Variants in SLIT1 observed in about 807,000 individuals in gnomAD.
SLIT1 encodes slit homolog 1 protein.
In SLIT1, 66 loss-of-function variants were observed where a neutral mutation model predicts 186.1. The observed-to-expected ratio is 0.35, with a 90% confidence interval of 0.29 to 0.44. The LOEUF is 0.44. SLIT1 is among the 20% of genes least tolerant of loss of function. The pLI is 1.00. For synonymous variants in SLIT1, 761 were observed against 833.8 expected, an observed-to-expected ratio of 0.91 and a Z score of 1.50; for missense variants, 1,638 against 2,037.4, an observed-to-expected ratio of 0.80 and a Z score of 3.77.
intron 28 of SLIT1, among the ~76,000 whole-genome samples, chr10:97,015,021 C>T (rs1159187924): frequency 6.6e-6 from 1 of 152,208 alleles, no homozygotes; most frequent in African/African-American, 2.4e-5. Flanking sequence ...GGATCAGTGA[C>T]TTTCAAACCA....
intron 26 of SLIT1, among the ~76,000 whole-genome samples, chr10:97,019,674 C>T (rs1848486075): frequency 6.6e-6 from 1 of 152,260 alleles, no homozygotes; most frequent in African/African-American, 2.4e-5. Context: ...CACCTCCCTG[C>T]TACAGCAGGC....
chr10:97,084,895 C>T (rs1442194987), intron 4 of SLIT1, among the ~76,000 whole-genome samples: 1 of 150,626 alleles, frequency 6.6e-6, no homozygotes. Context: ...GCATGAGCCA[C>T]TGCACCCGGC....
chr10:97,006,738 A>T lies in SLIT1; in HGVS notation c.3342-18T>A. The T allele has an allele frequency of 6.3e-7, 1 of 1,580,126 alleles. No individual in the cohort carries two copies. Among genetic ancestry groups the T allele is most frequent in the Non-Finnish European group, 8.7e-7 (1 of 1,149,734 alleles). On this transcript the variant is annotated intron_variant, in intron 31 of 36. Transcript: ENST00000266058. This position sits in a 1 kb window ranked among gnomAD's most constrained non-coding sequence, Gnocchi z 4.0. ...GCTGTCCACTGAGAGGAAAGGACAT[A>T]AGTCAGAGAGGGCCAAGGAGGAAGG...
At chr10:97,058,898 C>T (rs1848865377) in intron 11 of SLIT1, among the ~76,000 whole-genome samples, 1 of 152,158 alleles carries the variant, frequency 6.6e-6, no homozygotes, top group African/African-American at 2.4e-5. Flanking sequence ...TGCTTCACTA[C>T]CTTTTGTATG....
intron 4 of SLIT1, among the ~76,000 whole-genome samples, chr10:97,122,930 C>A (rs1001029906): frequency 1.3e-5 from 2 of 152,182 alleles, no homozygotes; most frequent in Non-Finnish European, 2.9e-5. Flanking sequence ...TGAGGCTCAT[C>A]CCCTCCAGCA....
Position 97,010,859 on chromosome 10 carries a change from A to AC in SLIT1, c.3341+133dup. The AC allele has an allele frequency of 1.2e-6, 1 of 808,000 alleles. No homozygotes were observed. The highest frequency in any genetic ancestry group is 1.9e-6 in the Non-Finnish European group (1 of 514,492). The allele number at this position is 808,000 out of a possible 1,614,324, so 50.1% of individuals were successfully genotyped here. ...TGCACAGCTGGTGACTGGCAGAGCC[A>AC]CGGTTAAAACCCCAGCATCCAACTT... On this transcript the variant is annotated intron_variant, in intron 31 of 36. Coordinates refer to ENST00000266058, the MANE Select transcript of SLIT1 (RefSeq NM_003061.3). The surrounding 1 kb of genome is among the most constrained non-coding windows in gnomAD (Gnocchi z 4.8).
Position 97,022,233 on chromosome 10 carries a change from T to C in SLIT1, c.2583-820A>G, listed in dbSNP as rs192930326. Among the ~76,000 whole-genome samples, 401 of 152,332 alleles carry C rather than the reference T, an allele frequency of 2.6e-3. 1 individual carries two copies. Among genetic ancestry groups the C allele is most frequent in the Non-Finnish European group, 4.5e-3 (306 of 68,028 alleles). On this transcript the variant is annotated intron_variant, in intron 25 of 36. Transcript: ENST00000266058. This position sits in a 1 kb window ranked among gnomAD's most constrained non-coding sequence, Gnocchi z 4.2. ...ATTTCCCTGGGGTCACACAACTAGC[T>C]AAGGGCAGCCCCTGGATCCAGATGT...
intron 4 of SLIT1, among the ~76,000 whole-genome samples, chr10:97,079,814 G>C (rs1564669676): frequency 1.3e-5 from 2 of 152,158 alleles, no homozygotes; most frequent in African/African-American, 4.8e-5. Context: ...AGCAATACCG[G>C]TTCAGGTTCT....
chr10:97,076,834 G>GGGGCCA (rs1849050296), intron 4 of SLIT1, among the ~76,000 whole-genome samples: 2 of 152,204 alleles, frequency 1.3e-5, no homozygotes, highest in African/African-American at 2.4e-5. Context: ...AGCTCAGGTA[G>GGGGCCA]GGGCCAGGGC....
At chr10:97,151,519 G>A (rs1849879623) in intron 4 of SLIT1, among the ~76,000 whole-genome samples, 1 of 151,756 alleles carries the variant, frequency 6.6e-6, no homozygotes, top group African/African-American at 2.4e-5. Context: ...GTTGGTAGAT[G>A]GTGGGAAGGT....
At chr10:97,120,638 G>C (rs371344114) in intron 4 of SLIT1, among the ~76,000 whole-genome samples, 1 of 152,180 alleles carries the variant, frequency 6.6e-6, no homozygotes, top group Non-Finnish European at 1.5e-5. Flanking sequence ...TGAGGGTGCA[G>C]GCTAAGTCAC....
rs910761370 is a variant in SLIT1 at position 97,000,900 on chromosome 10, G to A, written c.*212C>T. 7.2e-5 allele frequency: 42 copies of A among 584,768 alleles called. No individual in the cohort carries two copies. The South Asian group carries it at 7.9e-4, about 11-fold the overall frequency. The allele number at this position is 584,768 out of a possible 1,614,324, so 36.2% of individuals were successfully genotyped here. A position where few individuals can be genotyped will look rare whatever the true frequency, so the allele number is the denominator to read the frequency against. Reference sequence around the variant, plus strand: ...AAGGCACTTCCGGAGAGGGCAGCCCGCAGCTCAGGCCTCGCCCACCCCCGC... The same window carrying A: ...AAGGCACTTCCGGAGAGGGCAGCCCACAGCTCAGGCCTCGCCCACCCCCGC... On this transcript the variant is annotated 3_prime_UTR_variant, in exon 37 of 37. Transcript: ENST00000266058.
intron 13 of SLIT1, among the ~76,000 whole-genome samples, chr10:97,055,628 C>T (rs1401102919): frequency 6.6e-6 from 1 of 152,172 alleles, no homozygotes; most frequent in Non-Finnish European, 1.5e-5. Context: ...CCTCAGCCTC[C>T]CAGAGTGTTG....
intron 4 of SLIT1, among the ~76,000 whole-genome samples, chr10:97,113,820 T>C (rs914157393): frequency 6.6e-6 from 1 of 152,148 alleles, no homozygotes; most frequent in Non-Finnish European, 1.5e-5. Context: ...CCTCCCAAAG[T>C]GCTGGGATTA....
chr10:97,008,763 T>C (rs1848385007), intron 31 of SLIT1, among the ~76,000 whole-genome samples: 1 of 151,468 alleles, frequency 6.6e-6, no homozygotes, highest in African/African-American at 2.4e-5. Context: ...TTTATCAAAA[T>C]CCCAGTTGAC....
chr10:97,081,772 C>T (rs1370592856), intron 4 of SLIT1, among the ~76,000 whole-genome samples: 2 of 152,152 alleles, frequency 1.3e-5, no homozygotes, highest in African/African-American at 4.8e-5. Flanking sequence ...CAGGTGGCCA[C>T]AACAAAAGCC....
At chr10:97,098,459 G>A (rs1250207810) in intron 4 of SLIT1, among the ~76,000 whole-genome samples, 3 of 152,192 alleles carry the variant, frequency 2.0e-5, no homozygotes, top group Non-Finnish European at 2.9e-5. Context: ...GGCTTCTAGG[G>A]GTACGGTGAG....
At chr10:97,166,569 G>GAGAGAGAGAGAGAGAGAA in intron 1 of SLIT1, among the ~76,000 whole-genome samples, 1 of 58,912 alleles carries the variant, frequency 1.7e-5, no homozygotes, top group Non-Finnish European at 3.4e-5. Flanking sequence ...GAGAGAGAGA[G>GAGAGAGAGAGAGAGAGAA]AGAAAGAAAG....
intron 24 of SLIT1, 130 bp from the exon 25 acceptor site, chr10:97,030,958 C>G: frequency 1.3e-6 from 1 of 745,556 alleles, no homozygotes; most frequent in Non-Finnish European, 2.3e-6. Context: ...AGTCAGTGAC[C>G]TGAAGGAGAT....
Sources: gnomAD v4.1 joint callset for allele counts (sites outside exome capture counted in the v4.1 genomes callset) on GRCh38, gnomAD v4.1.1 for gene constraint, Gnocchi (gnomAD v3.1) non-coding constraint, MANE v1.5 for transcripts, NCBI Gene and HGNC (gene_info 2026-07-23, HGNC 2026-07-21) for gene names.